CUL2: variants seen among roughly 807,000 people sequenced by gnomAD.
CUL2 encodes the protein cullin-2.
Under a neutral mutation model 110.2 loss-of-function variants are expected in CUL2, and 22 were observed. The observed-to-expected ratio is 0.20, with a 90% confidence interval of 0.14 to 0.28. The LOEUF is 0.28. Among genes scored for constraint, CUL2 ranks in the 10% least tolerant of loss-of-function variants. The probability of loss-of-function intolerance (pLI) is 1.00; values close to 1 mark genes in which losing one functional copy is unlikely to be tolerated. For missense variants in CUL2, 631 were observed against 905.5 expected, an observed-to-expected ratio of 0.70 and a Z score of 3.89; for synonymous variants, 279 against 293.2, an observed-to-expected ratio of 0.95 and a Z score of 0.49.
chr10:35,027,142 A>G (rs2085355141), intron 16 of CUL2, among the ~76,000 whole-genome samples: 1 of 143,224 alleles, frequency 7.0e-6, no homozygotes, highest in Non-Finnish European at 1.5e-5. Context: ...TACTTTAGAT[A>G]CTTTTTTTTT....
In CUL2 at chr10:35,100,918, CCT is replaced by C. The variant is rs1326815850; in HGVS notation, c.91_92del (p.Arg31GlufsTer17). 1 of 152,134 alleles carries C rather than the reference CCT, an allele frequency of 6.6e-6. No homozygotes were observed. The highest frequency in any genetic ancestry group is 1.5e-5 in the Non-Finnish European group (1 of 68,100). 9.4% of individuals were successfully genotyped at this position (152,134 alleles called of 1,614,324 possible). ...CCCCAATAAGCTGTCCTGTGCTTTTCCTCTCTATATCACAGGGTTTTCTTTCC... is the reference window on the plus strand; with the variant it reads ...CCCCAATAAGCTGTCCTGTGCTTTTCCTCTATATCACAGGGTTTTCTTTCC... On this transcript the variant is annotated frameshift_variant, in exon 2 of 6. Coordinates refer to the CUL2 transcript ENST00000685421. LOFTEE classifies it high-confidence loss of function.
chr10:35,016,025 T>C (rs918853688), intron 18 of CUL2, among the ~76,000 whole-genome samples, 167 bp downstream of exon 18: 2 of 152,206 alleles, frequency 1.3e-5, no homozygotes, highest in Non-Finnish European at 2.9e-5. Context: ...CAGCATGCTC[T>C]GTGATGCCTT....
chr10:35,106,440 G>A (rs533626073), intron 1 of CUL2, among the ~76,000 whole-genome samples: 3 of 151,386 alleles, frequency 2.0e-5, no homozygotes, highest in Admixed American at 6.6e-5. Context: ...CTGCCTCAGC[G>A]TCCCGAGTAG....
chr10:35,074,227 A>G, intron 1 of CUL2: 4 of 1,534,726 alleles, frequency 2.6e-6, no homozygotes, highest in Admixed American at 2.0e-5. Context: ...CTCTGTACAT[A>G]AAGTACAAAG....
At chr10:35,109,588 C>G (rs1427009350) in intron 1 of CUL2, among the ~76,000 whole-genome samples, 1 of 152,228 alleles carries the variant, frequency 6.6e-6, no homozygotes, top group African/African-American at 2.4e-5. Context: ...TCTGAGGTGA[C>G]ATTTGCGTTT....
intron 9 of CUL2, 107 bp from the exon 10 acceptor site, chr10:35,035,403 A>G: frequency 2.3e-6 from 3 of 1,279,344 alleles, no homozygotes; most frequent in Admixed American, 4.2e-5. Flanking sequence ...AGTGCAGAGC[A>G]CCCAGAGAAA....
intron 15 of CUL2, 111 bp downstream of exon 15, chr10:35,029,377 A>C: frequency 1.3e-6 from 1 of 763,168 alleles, no homozygotes; most frequent in Non-Finnish European, 1.9e-6. Flanking sequence ...GGACTTTAGA[A>C]GCCACAATCT....
At chr10:35,105,347 A>C (rs1413253587) in intron 1 of CUL2, among the ~76,000 whole-genome samples, 17 of 140,016 alleles carry the variant, frequency 1.2e-4, no homozygotes, top group South Asian at 9.8e-4. Context: ...AATGGCGTGA[A>C]CCCGGGAGGC....
intron 1 of CUL2, among the ~76,000 whole-genome samples, chr10:35,121,389 C>T (rs916601977): frequency 6.6e-6 from 1 of 152,180 alleles, no homozygotes; most frequent in Non-Finnish European, 1.5e-5. Context: ...TCACGCCCAG[C>T]TGATTTTTTG....
intron 17 of CUL2, among the ~76,000 whole-genome samples, chr10:35,019,401 C>A (rs1437677460): frequency 6.6e-6 from 1 of 152,122 alleles, no homozygotes; most frequent in Non-Finnish European, 1.5e-5. Flanking sequence ...TACCAGGGAT[C>A]AGGGGTACAC....
Position 35,025,214 on chromosome 10 carries a change from A to AAAC in CUL2, c.1618-17_1618-16insGTT. The AAAC allele has an allele frequency of 6.4e-7, 1 of 1,561,276 alleles. No individual in the cohort carries two copies. The highest frequency in any genetic ancestry group is 8.6e-7 in the Non-Finnish European group (1 of 1,162,140). On this transcript the variant is annotated splice_polypyrimidine_tract_variant and intron_variant, in intron 16 of 20. Coordinates refer to ENST00000374749, the MANE Select transcript of CUL2 (RefSeq NM_003591.4). ...ATAATTCAAACTGTAAAAAAAAAAA[A>AAAC]AAAACACACATTATTTTTAGCTACT...
In CUL2 at chr10:35,014,770, T is replaced by C. The variant is rs528550141; in HGVS notation, c.1888-970A>G. On this transcript the variant is annotated intron_variant, in intron 18 of 20. Coordinates refer to ENST00000374749, the MANE Select transcript of CUL2 (RefSeq NM_003591.4). ...ATCACTTGAGCCCAGGAGGTGGGGA[T>C]TGCAGTGAGCTGAGATGGCACCACT... Among the ~76,000 whole-genome samples the C allele has an allele frequency of 8.5e-5, 13 of 152,082 alleles. No homozygotes were observed. In the South Asian group the frequency reaches 2.3e-3, roughly 27 times the overall value.
At chr10:35,109,589 A>G (rs767741266) in intron 1 of CUL2, among the ~76,000 whole-genome samples, 1 of 152,220 alleles carries the variant, frequency 6.6e-6, no homozygotes, top group Non-Finnish European at 1.5e-5. Flanking sequence ...CTGAGGTGAC[A>G]TTTGCGTTTA....
chr10:35,012,906 A>G (rs1331852496), intron 19 of CUL2, among the ~76,000 whole-genome samples: 1 of 152,200 alleles, frequency 6.6e-6, no homozygotes, highest in African/African-American at 2.4e-5. Context: ...GAAGAGCAGA[A>G]GTCCCCTCCT....
rs1321179791 is a variant in CUL2, at chr10:35,009,217, A to ATG, written c.*1093_*1094insCA. 118 of 146,406 alleles carry ATG rather than the reference A, an allele frequency of 8.1e-4. No individual in the cohort carries two copies. Among genetic ancestry groups the ATG allele is most frequent in the African/African-American group, 2.8e-3 (112 of 40,442 alleles). 9.1% of individuals were successfully genotyped at this position (146,406 alleles called of 1,614,324 possible). On this transcript the variant is annotated 3_prime_UTR_variant, in exon 21 of 21. Coordinates refer to ENST00000374749, the MANE Select transcript of CUL2 (RefSeq NM_003591.4). The stretch of plus-strand genomic sequence containing the variant: ...ATATATATATTATATATATATATAT[A>ATG]TATAAAATAAACAAAATAATGGGAT...
chr10:35,060,455 T>TA (rs911876632), intron 4 of CUL2, among the ~76,000 whole-genome samples: 3 of 152,174 alleles, frequency 2.0e-5, no homozygotes, highest in African/African-American at 7.2e-5. Context: ...AATAACCCAG[T>TA]AATTTATCTA....
chr10:35,103,316 T>TTA (rs1554871780), intron 1 of CUL2, among the ~76,000 whole-genome samples: 8 of 106,918 alleles, frequency 7.5e-5, no homozygotes, highest in East Asian at 4.9e-4. Context: ...TAATTTTTTT[T>TTA]TTTTTTTTTT....
At chr10:35,095,828 T>A (rs536044309) in intron 2 of CUL2, among the ~76,000 whole-genome samples, 26 of 152,246 alleles carry the variant, frequency 1.7e-4, no homozygotes, top group Non-Finnish European at 3.4e-4. Flanking sequence ...CCCAAAGAGT[T>A]GAGATTACAG....
intron 16 of CUL2, among the ~76,000 whole-genome samples, chr10:35,028,364 T>C (rs972087021): frequency 2.0e-5 from 3 of 152,208 alleles, no homozygotes; most frequent in African/African-American, 7.2e-5. Flanking sequence ...TCAATCACTG[T>C]TACTACTTAC....
Sources: allele counts gnomAD v4.1 joint callset (sites outside exome capture counted in the v4.1 genomes callset), GRCh38; gene constraint gnomAD v4.1.1; transcripts MANE v1.5; gene names NCBI Gene and HGNC (gene_info 2026-07-23, HGNC 2026-07-21).